The following ZBTB20 variants were observed in gnomAD, a reference collection of about 807,000 sequenced individuals.
ZBTB20 encodes zinc finger and BTB domain-containing protein 20.
ZBTB20 carries 9 observed loss-of-function variants against 56.9 expected under a neutral mutation model. That is an observed-to-expected ratio of 0.16 (90% confidence interval 0.10 to 0.28). The LOEUF (loss-of-function observed/expected upper bound fraction) is 0.28. Among genes scored for constraint, ZBTB20 ranks in the 10% least tolerant of loss-of-function variants. ZBTB20 has a pLI of 1.00. For synonymous variants in ZBTB20, 417 were observed against 420.7 expected (o/e 0.99, Z 0.11); for missense variants, 655 against 1,003.0 (o/e 0.65, Z 4.69).
At chr3:114,344,927 G>C (rs779578396) in intron 11 of ZBTB20, among the ~76,000 whole-genome samples, 7 of 152,042 alleles carry the variant, frequency 4.6e-5, no homozygotes, top group Non-Finnish European at 8.8e-5. Flanking sequence ...ACCAGTGAAC[G>C]GGCTGTTGAT....
chr3:114,909,926 G>C (rs568357642), intron 3 of ZBTB20, among the ~76,000 whole-genome samples: 1 of 151,760 alleles, frequency 6.6e-6, no homozygotes, highest in African/African-American at 2.4e-5. Flanking sequence ...AAGCTGAAAC[G>C]TAACAATAAT....
chr3:114,860,452 C>G (rs1057232474), intron 4 of ZBTB20, among the ~76,000 whole-genome samples: 2 of 152,102 alleles, frequency 1.3e-5, no homozygotes, highest in Admixed American at 6.6e-5. Flanking sequence ...CTTCACAAAA[C>G]TCTTCAAGAA....
intron 2 of ZBTB20, among the ~76,000 whole-genome samples, chr3:115,058,362 T>G (rs2081890513): frequency 6.6e-6 from 1 of 152,214 alleles, no homozygotes; most frequent in African/African-American, 2.4e-5. Context: ...TGATGCCATT[T>G]CCTTCATTTT....
At chr3:115,045,411 ATAAG>A (rs1349555436) in intron 2 of ZBTB20, among the ~76,000 whole-genome samples, 2 of 152,130 alleles carry the variant, frequency 1.3e-5, no homozygotes, top group Non-Finnish European at 2.9e-5. Flanking sequence ...CATCATTTTT[ATAAG>A]TAAGATGCTG....
chr3:114,542,844 TG>T, intron 6 of ZBTB20, among the ~76,000 whole-genome samples: 1 of 152,186 alleles, frequency 6.6e-6, no homozygotes, highest in Non-Finnish European at 1.5e-5. Flanking sequence ...TTCAAAAGAC[TG>T]GTAACTTACT....
intron 5 of ZBTB20, among the ~76,000 whole-genome samples, chr3:114,781,144 T>A (rs1342010812): frequency 6.6e-6 from 1 of 152,210 alleles, no homozygotes; most frequent in African/African-American, 2.4e-5. Flanking sequence ...CTAATTTTTT[T>A]AATGTAGGCT....
At chr3:114,991,972 T>A (rs545622151) in intron 2 of ZBTB20, among the ~76,000 whole-genome samples, 4 of 152,076 alleles carry the variant, frequency 2.6e-5, no homozygotes, top group African/African-American at 9.6e-5. Context: ...TCTTCCTCCA[T>A]CCCTTTATTT....
At chr3:114,958,711 G>A (rs1483187966) in intron 3 of ZBTB20, among the ~76,000 whole-genome samples, 2 of 151,898 alleles carry the variant, frequency 1.3e-5, no homozygotes, top group Non-Finnish European at 2.9e-5. Context: ...TAGCCAGGGT[G>A]GTGGCACACA....
intron 2 of ZBTB20, among the ~76,000 whole-genome samples, chr3:114,974,751 C>T (rs1457058022): frequency 6.6e-6 from 1 of 152,004 alleles, no homozygotes; most frequent in South Asian, 2.1e-4. Flanking sequence ...TGCTTTTAAC[C>T]TATTTACTTG....
chr3:114,787,485 C>T (rs1056307994), intron 5 of ZBTB20, among the ~76,000 whole-genome samples: 10 of 150,028 alleles, frequency 6.7e-5, no homozygotes, highest in African/African-American at 2.0e-4. Context: ...TTATATGACA[C>T]GTATACATAT....
At chr3:114,438,770 T>C (rs2090711387) in intron 7 of ZBTB20, among the ~76,000 whole-genome samples, 1 of 152,140 alleles carries the variant, frequency 6.6e-6, no homozygotes, top group African/African-American at 2.4e-5. Context: ...TAAAAAATTA[T>C]TAAGAATTTC....
intron 1 of ZBTB20, among the ~76,000 whole-genome samples, chr3:115,087,395 C>T (rs1000277226): frequency 1.3e-5 from 2 of 151,814 alleles, no homozygotes; most frequent in Non-Finnish European, 2.9e-5. Flanking sequence ...AAAGGCTTCA[C>T]GTGGTGGACA....
chr3:114,863,659 C>A (rs2075636336), intron 4 of ZBTB20, among the ~76,000 whole-genome samples: 1 of 152,046 alleles, frequency 6.6e-6, no homozygotes, highest in Admixed American at 6.6e-5. Flanking sequence ...CAAAGTATAG[C>A]TTGTTGAGGG....
intron 5 of ZBTB20, among the ~76,000 whole-genome samples, chr3:114,800,318 A>G (rs1357097498): frequency 1.2e-4 from 18 of 151,810 alleles, no homozygotes; most frequent in Non-Finnish European, 2.7e-4. Flanking sequence ...TGGGCGTCTG[A>G]ATCTTTTATA....
chr3:114,764,362 C>T (rs10804514), intron 5 of ZBTB20, among the ~76,000 whole-genome samples: 123,605 of 151,900 alleles, frequency 0.81, 51,755 homozygotes, highest in East Asian at 0.98. Flanking sequence ...ATCAAAGACT[C>T]GATTCAGCCG....
At chr3:114,868,922 T>C (rs1049262037) in intron 4 of ZBTB20, among the ~76,000 whole-genome samples, 1 of 149,802 alleles carries the variant, frequency 6.7e-6, no homozygotes, top group Non-Finnish European at 1.5e-5. Flanking sequence ...CTAACAGTCA[T>C]TTTTTTTTGC....
intron 5 of ZBTB20, among the ~76,000 whole-genome samples, chr3:114,768,419 G>T (rs1240245919): frequency 1.3e-5 from 2 of 151,636 alleles, no homozygotes; most frequent in African/African-American, 4.9e-5. Context: ...ATATAATACT[G>T]CCCTGATTTT....
At chr3:114,698,173 G>C (rs2063166794) in intron 5 of ZBTB20, among the ~76,000 whole-genome samples, 1 of 152,000 alleles carries the variant, frequency 6.6e-6, no homozygotes, top group Non-Finnish European at 1.5e-5. Flanking sequence ...AGGGTAAAGA[G>C]AAATACATTC....
intron 1 of ZBTB20, among the ~76,000 whole-genome samples, chr3:115,106,495 A>G (rs1188937045): frequency 6.6e-6 from 1 of 152,026 alleles, no homozygotes; most frequent in Non-Finnish European, 1.5e-5. Flanking sequence ...AGCCTCCCAA[A>G]GTAATGGAAT....
Sources: allele counts gnomAD v4.1 joint callset (sites outside exome capture counted in the v4.1 genomes callset), GRCh38; gene constraint gnomAD v4.1.1; transcripts MANE v1.5; gene names NCBI Gene and HGNC (gene_info 2026-07-23, HGNC 2026-07-21).